Variants in MBD5 observed in about 807,000 individuals in gnomAD.
MBD5 encodes methyl-CpG binding domain protein 5, also known as methyl-CpG-binding domain protein 5.
A neutral mutation model predicts 117.3 loss-of-function variants in MBD5; 13 were observed. That is an observed-to-expected ratio of 0.11 (90% CI 0.07 to 0.18). The LOEUF (loss-of-function observed/expected upper bound fraction) is 0.18, where lower values mean the gene tolerates loss of function less well. Ranked by LOEUF, MBD5 falls within the 10% of genes least tolerant of loss-of-function variation. The probability of loss-of-function intolerance (pLI) is 1.00; values close to 1 mark genes in which losing one functional copy is unlikely to be tolerated. For missense variants in MBD5, 1,879 were observed against 2,093.8 expected, an observed-to-expected ratio of 0.90 and a Z score of 2.00; for synonymous variants, 727 against 766.4, an observed-to-expected ratio of 0.95 and a Z score of 0.85.
chr2:148,049,770 A>G (rs964198684), intron 1 of MBD5, among the ~76,000 whole-genome samples: 1 of 152,146 alleles, frequency 6.6e-6, no homozygotes, highest in African/African-American at 2.4e-5. Context: ...TTCTAACTAT[A>G]TAGATTTGCT....
intron 4 of MBD5, among the ~76,000 whole-genome samples, chr2:148,426,172 A>G (rs982453102): frequency 2.0e-5 from 3 of 152,240 alleles, no homozygotes; most frequent in African/African-American, 4.8e-5. Flanking sequence ...AAGTGGAAGA[A>G]CATTCCGTGC....
At chr2:148,127,263 T>C (rs1696923083) in intron 1 of MBD5, among the ~76,000 whole-genome samples, 3 of 152,174 alleles carry the variant, frequency 2.0e-5, no homozygotes, top group Admixed American at 2.0e-4. Context: ...TCTGGGGTAC[T>C]TGCGCAGGAT....
intron 3 of MBD5, among the ~76,000 whole-genome samples, chr2:148,324,052 T>C (rs1702372591): frequency 6.6e-6 from 1 of 152,320 alleles, no homozygotes; most frequent in East Asian, 1.9e-4. Context: ...GTTACAGCTT[T>C]TTACATATGG....
chr2:148,067,165 A>T (rs1695222872), intron 1 of MBD5, among the ~76,000 whole-genome samples: 2 of 152,190 alleles, frequency 1.3e-5, no homozygotes, highest in Non-Finnish European at 1.5e-5. Context: ...ATAGAATGCA[A>T]AAGTACAGTC....
intron 1 of MBD5, among the ~76,000 whole-genome samples, chr2:148,144,594 A>G (rs1321546785): frequency 1.3e-5 from 2 of 152,090 alleles, no homozygotes; most frequent in Non-Finnish European, 2.9e-5. Context: ...TAACATTTAA[A>G]TCTTTAATCC....
At chr2:148,462,237 T>C (rs1707110902) in intron 5 of MBD5, among the ~76,000 whole-genome samples, 1 of 152,220 alleles carries the variant, frequency 6.6e-6, no homozygotes, top group Non-Finnish European at 1.5e-5. Flanking sequence ...ATGAGAGTCA[T>C]TGCTTTTATG....
intron 4 of MBD5, among the ~76,000 whole-genome samples, chr2:148,386,487 G>C (rs1473508370): frequency 6.6e-6 from 1 of 151,952 alleles, no homozygotes; most frequent in Non-Finnish European, 1.5e-5. Context: ...GGGAGGCCGA[G>C]GCGGGCGGAT....
chr2:148,059,847 A>AC (rs199763740), intron 1 of MBD5, among the ~76,000 whole-genome samples: 12,489 of 148,168 alleles, frequency 0.084, 572 homozygotes, highest in South Asian at 0.14. Flanking sequence ...CTCCGTCTCA[A>AC]AAAAAAAAAA....
intron 4 of MBD5, among the ~76,000 whole-genome samples, chr2:148,378,194 A>G (rs1704042452): frequency 6.6e-6 from 1 of 152,302 alleles, no homozygotes. Flanking sequence ...ATGATACTGT[A>G]TGTGAGTAAA....
At chr2:148,309,007 G>C (rs1701964097) in intron 3 of MBD5, among the ~76,000 whole-genome samples, 1 of 152,094 alleles carries the variant, frequency 6.6e-6, no homozygotes, top group Non-Finnish European at 1.5e-5. Context: ...CGTTTCATTG[G>C]TCTATATATC....
At position 148,373,173 on chromosome 2, in the gene MBD5, A is replaced by G. The variant is rs146119713; in HGVS notation, c.-557+30837A>G. On this transcript the variant is annotated intron_variant, in intron 4 of 13. Coordinates refer to ENST00000642680, the MANE Select transcript of MBD5 (RefSeq NM_001378120.1). ...AGTTCTCTTTTACCACAGGAAAGCAAGAAGGCCTGTTTTTGAATAGGTTTC... is the reference window on the plus strand; with the variant it reads ...AGTTCTCTTTTACCACAGGAAAGCAGGAAGGCCTGTTTTTGAATAGGTTTC... 2.9e-3 allele frequency among the ~76,000 whole-genome samples: 445 copies of G among 152,234 alleles called. 2 individuals carry two copies. The highest frequency in any genetic ancestry group is 0.01 in the African/African-American group (435 of 41,586).
chr2:148,285,130 G>A (rs950479654), intron 3 of MBD5, among the ~76,000 whole-genome samples: 1 of 152,128 alleles, frequency 6.6e-6, no homozygotes, highest in Non-Finnish European at 1.5e-5. Context: ...CTAAACAGAG[G>A]CCTCATATTT....
chr2:148,383,659 AAAG>A (rs984734563), intron 4 of MBD5, among the ~76,000 whole-genome samples: 2 of 152,160 alleles, frequency 1.3e-5, no homozygotes, highest in South Asian at 4.1e-4. Flanking sequence ...ACAAAAAAAA[AAAG>A]AGAATTTTAG....
intron 3 of MBD5, among the ~76,000 whole-genome samples, chr2:148,302,766 CA>C (rs1701802815): frequency 1.3e-5 from 2 of 151,596 alleles, no homozygotes; most frequent in Admixed American, 1.3e-4. Context: ...GAGTAGCTGG[CA>C]CTACAATGTA....
rs917484143 is a variant in MBD5, at chr2:148,151,432, G to C, written c.-924-27268G>C. On this transcript the variant is annotated intron_variant, in intron 1 of 13. Coordinates refer to ENST00000642680, the MANE Select transcript of MBD5 (RefSeq NM_001378120.1). The stretch of plus-strand genomic sequence containing the variant: ...TTTGGTTGTGTCTCTACCCAGCTTT[G>C]GTATCAGAATGATGCTGGCCTCATA... Among the ~76,000 whole-genome samples the C allele has an allele frequency of 3.9e-5, 6 of 152,244 alleles. No individual in the cohort carries two copies. The East Asian group carries it at 1.2e-3, about 29-fold the overall frequency.
intron 1 of MBD5, 155 bp downstream of exon 1, chr2:148,021,839 TGTGA>T (rs1005721993): frequency 1.1e-5 from 2 of 176,132 alleles, no homozygotes; most frequent in Non-Finnish European, 2.5e-5. Flanking sequence ...GGGAGGGGTG[TGTGA>T]GGTGGGGTGC....
chr2:148,274,253 A>C (rs1701049701), intron 3 of MBD5, among the ~76,000 whole-genome samples: 1 of 151,964 alleles, frequency 6.6e-6, no homozygotes. Flanking sequence ...ATTATACTCT[A>C]AGTTCTGGGG....
intron 4 of MBD5, among the ~76,000 whole-genome samples, chr2:148,361,989 C>G (rs1467604684): frequency 1.3e-5 from 2 of 152,230 alleles, no homozygotes; most frequent in South Asian, 4.1e-4. Context: ...GTCTTTGCAA[C>G]TGCAGATCAG....
At chr2:148,419,169 A>T (rs1705518752) in intron 4 of MBD5, among the ~76,000 whole-genome samples, 1 of 152,146 alleles carries the variant, frequency 6.6e-6, no homozygotes. Context: ...GGAAAATTGG[A>T]TAGCAACATG....
Sources: allele counts gnomAD v4.1 joint callset (sites outside exome capture counted in the v4.1 genomes callset), GRCh38; gene constraint gnomAD v4.1.1; transcripts MANE v1.5; gene names NCBI Gene and HGNC (gene_info 2026-07-23, HGNC 2026-07-21).